TSGA13: variants seen among roughly 807,000 people sequenced by gnomAD.
TSGA13 encodes testis-specific gene 13 protein.
A neutral mutation model predicts 35.1 loss-of-function variants in TSGA13; 37 were observed. The observed-to-expected ratio is 1.05, with a 90% CI of 0.81 to 1.39. The LOEUF (loss-of-function observed/expected upper bound fraction) is 1.39. Among genes scored for constraint, TSGA13 ranks in the 40% most tolerant of loss-of-function variants. TSGA13 has a pLI of 0.00. For missense variants in TSGA13, 338 were observed against 328.5 expected (o/e 1.03, Z -0.22); for synonymous variants, 124 against 121.2 (o/e 1.02, Z -0.15).
At position 130,685,279 on chromosome 7, in the gene TSGA13, A is replaced by C; in HGVS notation, c.-69T>G. The C allele has an allele frequency of 6.2e-7, 1 of 1,604,388 alleles. No homozygotes were observed. ...CAAGGCCAAATTCAGGTCTCTAAAT[A>C]GTCCACGTTCTGCAGGGGTTCAATT... is the stretch of plus-strand genomic sequence containing the variant. On this transcript the variant is annotated 5_prime_UTR_variant, in exon 2 of 8. Coordinates refer to ENST00000356588, the MANE Select transcript of TSGA13 (RefSeq NM_052933.4).
At chr7:130,671,851 CTTTATTTTA>C (rs1290496148) in intron 6 of TSGA13, 63 bp from the exon 7 acceptor site, 15 of 629,360 alleles carry the variant, frequency 2.4e-5, no homozygotes, top group South Asian at 4.1e-5. Context: ...GAACTATTCA[CTTTATTTTA>C]TTTTATTTTA....
At position 130,685,334 on chromosome 7, in the gene TSGA13, G is replaced by C; in HGVS notation, c.-124C>G. On this transcript the variant is annotated 5_prime_UTR_variant, in exon 2 of 8. Transcript: ENST00000356588. ...CCAAATATTCTTTCCTTAGCACACA[G>C]TGTGTACTCATGCCCCATTCTTGAG... 6.4e-7 allele frequency: 1 copy of C among 1,551,242 alleles called. No homozygotes were observed. Among genetic ancestry groups the C allele is most frequent in the Non-Finnish European group, 8.8e-7 (1 of 1,136,612 alleles).
intron 3 of TSGA13, 100 bp from the exon 4 acceptor site, chr7:130,681,117 AACTT>A: frequency 1.0e-6 from 1 of 972,034 alleles, no homozygotes; most frequent in Non-Finnish European, 1.6e-6. Context: ...ACTGGTCTCT[AACTT>A]ACACTAAGTA....
intron 3 of TSGA13, among the ~76,000 whole-genome samples, chr7:130,681,643 TTTTTTA>T (rs1172976964): frequency 6.6e-6 from 1 of 152,186 alleles, no homozygotes; most frequent in East Asian, 1.9e-4. Flanking sequence ...ACCACTTTGC[TTTTTTA>T]TTTTTATTTT....
intron 5 of TSGA13, among the ~76,000 whole-genome samples, chr7:130,673,553 C>T (rs781924111): frequency 6.6e-6 from 1 of 152,166 alleles, no homozygotes; most frequent in Non-Finnish European, 1.5e-5. Flanking sequence ...AGTCCTTCTT[C>T]CATAGAGTCC....
chr7:130,686,167 A>G (rs1554465706), intron 1 of TSGA13, 95 bp downstream of exon 1: 1 of 152,208 alleles, frequency 6.6e-6, no homozygotes, highest in Non-Finnish European at 1.5e-5. Context: ...GACAAACCCT[A>G]AAGATGATTT....
At chr7:130,674,946 A>C (rs1554463926) in intron 5 of TSGA13, among the ~76,000 whole-genome samples, 1 of 152,180 alleles carries the variant, frequency 6.6e-6, no homozygotes, top group Non-Finnish European at 1.5e-5. Context: ...AATCCATTTG[A>C]GTTATCTTAA....
chr7:130,680,976 G>A lies in TSGA13; in HGVS notation c.144C>T (p.Asn48=), dbSNP rs782579961. 6 of 1,614,158 alleles carry A rather than the reference G, an allele frequency of 3.7e-6. No individual in the cohort carries two copies. The highest frequency in any genetic ancestry group is 1.3e-5 in the African/African-American group (1 of 75,022). Residue 48 remains asparagine, a synonymous_variant, in exon 4 of 8, where the codon AAC becomes AAT. Coordinates refer to ENST00000356588, the MANE Select transcript of TSGA13 (RefSeq NM_052933.4). ...AVGQSKFVLE[N]LRHYTVHPNL... ...TTGGATGGACTGTGTAATGCCGAAGGTTCTCTAGAACAAATTTTGATTGCC... is the reference window on the plus strand; with the variant it reads ...TTGGATGGACTGTGTAATGCCGAAGATTCTCTAGAACAAATTTTGATTGCC...
rs111665866 is a variant in TSGA13 at position 130,678,277 on chromosome 7, G to A, written c.387+878C>T. Among the ~76,000 whole-genome samples the A allele has an allele frequency of 4.1e-3, 629 of 152,180 alleles. 3 individuals carry two copies. Among genetic ancestry groups the A allele is most frequent in the African/African-American group, 0.014 (593 of 41,500 alleles). On this transcript the variant is annotated intron_variant, in intron 5 of 7. Transcript: ENST00000356588. ...ACCTGTAGTCCTAGCTGCTCGGGAG[G>A]CTGAGGCAGGAGAATGGCGTGAACC...
intron 7 of TSGA13, 107 bp downstream of exon 7, chr7:130,671,554 G>A (rs1796267184): frequency 1.3e-5 from 16 of 1,276,464 alleles, no homozygotes; most frequent in Non-Finnish European, 1.4e-5. Context: ...TAGTCTCCAG[G>A]ACTACCACGA....
chr7:130,680,437 C>T (rs190026171), intron 4 of TSGA13, among the ~76,000 whole-genome samples: 1,544 of 150,208 alleles, frequency 0.01, 32 homozygotes, highest in African/African-American at 0.034. Flanking sequence ...ACCCAGGGGG[C>T]GGAGCTTGCA....
At position 130,676,734 on chromosome 7, in the gene TSGA13, C is replaced by G. The variant is rs113257742; in HGVS notation, c.387+2421G>C. ...TATGGAAACACTAACTCCAAATTCA[C>G]CACATTTTATTATAAGGGTCTCACT... On this transcript the variant is annotated intron_variant, in intron 5 of 7. Coordinates refer to ENST00000356588, the MANE Select transcript of TSGA13 (RefSeq NM_052933.4). Among the ~76,000 whole-genome samples, 988 of 152,350 alleles carry G rather than the reference C, an allele frequency of 6.5e-3. 13 individuals carry two copies. Among genetic ancestry groups the G allele is most frequent in the African/African-American group, 0.023 (937 of 41,574 alleles).
At chr7:130,678,858 A>G (rs1796471683) in intron 5 of TSGA13, among the ~76,000 whole-genome samples, 1 of 152,114 alleles carries the variant, frequency 6.6e-6, no homozygotes, top group Non-Finnish European at 1.5e-5. Context: ...CCCCGTCTCT[A>G]CCAAAATAAT....
intron 4 of TSGA13, 115 bp downstream of exon 4, chr7:130,680,831 G>A (rs527668049): frequency 6.4e-6 from 6 of 939,440 alleles, no homozygotes; most frequent in South Asian, 1.5e-5. Flanking sequence ...CTAAGAGTAC[G>A]CACAGTCACA....
chr7:130,668,859 T>C lies in TSGA13; in HGVS notation c.*155A>G, dbSNP rs1455848865. On this transcript the variant is annotated 3_prime_UTR_variant, in exon 8 of 8. Transcript: ENST00000356588. Reference sequence around the variant, plus strand: ...GGGACGCAGCCACGCCCCCTTCTCCTCTTGCGGCCCGCCGGAGACTTCGGC... The same window carrying C: ...GGGACGCAGCCACGCCCCCTTCTCCCCTTGCGGCCCGCCGGAGACTTCGGC... The C allele has an allele frequency of 3.7e-6, 5 of 1,354,614 alleles. No individual in the cohort carries two copies. Among genetic ancestry groups the C allele is most frequent in the African/African-American group, 1.5e-5 (1 of 66,352 alleles). The allele number at this position is 1,354,614 out of a possible 1,614,324, so 83.9% of individuals were successfully genotyped here. A position where few individuals can be genotyped will look rare whatever the true frequency, so the allele number is the denominator to read the frequency against.
intron 2 of TSGA13, among the ~76,000 whole-genome samples, chr7:130,684,936 A>G (rs1046935465): frequency 1.4e-4 from 22 of 152,248 alleles, no homozygotes; most frequent in Non-Finnish European, 2.8e-4. Flanking sequence ...AATTTAAGGC[A>G]TAGAACTATA....
In TSGA13 at chr7:130,683,603, A is replaced by G. The variant is rs530589812; in HGVS notation, c.93T>C (p.Asn31=). The G allele has an allele frequency of 1.5e-5, 25 of 1,613,836 alleles. No homozygotes were observed. The highest frequency in any genetic ancestry group is 6.6e-5 in the South Asian group (6 of 91,046). ...TACTAACACTCCTTACCTCTTTGCT[A>G]TTGACAACCATTCCTTTCTCACGTT... ...SAKREKGMVV[N]SKEISDAVGQ... Residue 31 remains asparagine (N), a synonymous_variant, in exon 3 of 8, where the codon AAT becomes AAC. Coordinates refer to ENST00000356588, the MANE Select transcript of TSGA13 (RefSeq NM_052933.4).
At chr7:130,670,302 GGT>G (rs2116292648) in intron 7 of TSGA13, among the ~76,000 whole-genome samples, 1 of 152,180 alleles carries the variant, frequency 6.6e-6, no homozygotes, top group African/African-American at 2.4e-5. Context: ...CCAGGCCTTC[GGT>G]ATCAGGACTA....
rs1384774267 is a variant in TSGA13 at position 130,668,777 on chromosome 7, G to C, written c.*237C>G. 54 of 1,367,878 alleles carry C rather than the reference G, an allele frequency of 3.9e-5. No individual in the cohort carries two copies. The highest frequency in any genetic ancestry group is 5.2e-5 in the Non-Finnish European group (53 of 1,024,302). The allele number at this position is 1,367,878 out of a possible 1,614,324, so 84.7% of individuals were successfully genotyped here. ...GGCCCCGCGCTCTCACGCCGGTTGGGCCGCCGCGCCTTCACTCGGGGCCAA... is the reference window on the plus strand; with the variant it reads ...GGCCCCGCGCTCTCACGCCGGTTGGCCCGCCGCGCCTTCACTCGGGGCCAA... On this transcript the variant is annotated 3_prime_UTR_variant, in exon 8 of 8. Transcript: ENST00000356588.
Sources: allele counts gnomAD v4.1 joint callset (sites outside exome capture counted in the v4.1 genomes callset), GRCh38; gene constraint gnomAD v4.1.1; transcripts MANE v1.5; gene names NCBI Gene and HGNC (gene_info 2026-07-23, HGNC 2026-07-21).